Variants in NEK6 observed in about 807,000 individuals in gnomAD.
NEK6 encodes serine/threonine-protein kinase Nek6.
A neutral mutation model predicts 43.5 loss-of-function variants in NEK6; 27 were observed. The observed-to-expected ratio is 0.62, with a 90% CI of 0.46 to 0.86. NEK6 has a LOEUF of 0.86. Ranked by LOEUF, NEK6 falls within the 40% of genes least tolerant of loss-of-function variation. The pLI is 0.00. For synonymous variants in NEK6, 167 were observed against 164.1 expected (o/e 1.02, Z -0.14); for missense variants, 318 against 414.4 (o/e 0.77, Z 2.02).
chr9:124,349,055 C>T (rs745935886), intron 9 of NEK6, among the ~76,000 whole-genome samples: 7 of 152,226 alleles, frequency 4.6e-5, no homozygotes, highest in Non-Finnish European at 1.0e-4. Flanking sequence ...CTGGGTGCTG[C>T]GCTTGTGTCC....
At chr9:124,303,643 G>A (rs574253926) in intron 2 of NEK6, among the ~76,000 whole-genome samples, 176 of 152,268 alleles carry the variant, frequency 1.2e-3, no homozygotes, top group African/African-American at 4.2e-3. Context: ...AGGGTCCATG[G>A]GGCATCTATG....
intron 2 of NEK6, among the ~76,000 whole-genome samples, chr9:124,308,526 C>T (rs1445117238): frequency 1.3e-5 from 2 of 152,114 alleles, no homozygotes; most frequent in African/African-American, 2.4e-5. Context: ...TGGTGGCGGG[C>T]ACCTGCTACT....
chr9:124,320,582 G>A (rs1588508922), intron 4 of NEK6, among the ~76,000 whole-genome samples: 1 of 152,206 alleles, frequency 6.6e-6, no homozygotes, highest in Admixed American at 6.5e-5. Context: ...CCAGATCCTG[G>A]AGTCTCTTTG....
At chr9:124,277,786 G>T (rs2118962044) in intron 1 of NEK6, among the ~76,000 whole-genome samples, 1 of 152,332 alleles carries the variant, frequency 6.6e-6, no homozygotes, top group African/African-American at 2.4e-5. Flanking sequence ...GCCCCATCCA[G>T]GCAGGTCGGC....
chr9:124,313,162 C>G (rs114967093), intron 3 of NEK6, among the ~76,000 whole-genome samples: 2,208 of 152,262 alleles, frequency 0.015, 50 homozygotes, highest in African/African-American at 0.051. Context: ...ACAGCTTTGC[C>G]GGAGGAAATG....
In NEK6 at chr9:124,347,791, C is replaced by A. The variant is rs779720887; in HGVS notation, c.800C>A (p.Pro267His). 1 of 1,612,776 alleles carries A rather than the reference C, an allele frequency of 6.2e-7. No homozygotes were observed. The highest frequency in any genetic ancestry group is 8.5e-7 in the Non-Finnish European group (1 of 1,179,124). The stretch of plus-strand genomic sequence containing the variant: ...CAGAAGATCGAGCAGTGTGACTACC[C>A]CCCACTCCCCGGGGAGCACTACTCC... ...LCQKIEQCDY[P>H]PLPGEHYSEK... The change falls in exon 9 of 10, where the codon CCC (proline) becomes CAC (histidine). Residue 267 changes from proline to histidine, a missense_variant. Physicochemically the swap from Pro to His is moderately conservative, Grantham distance 77. Coordinates refer to ENST00000320246, the MANE Select transcript of NEK6 (RefSeq NM_014397.6).
intron 9 of NEK6, among the ~76,000 whole-genome samples, chr9:124,350,571 A>C (rs1312753572): frequency 6.6e-6 from 1 of 152,150 alleles, no homozygotes; most frequent in Non-Finnish European, 1.5e-5. Context: ...GTTCAAAATA[A>C]TTTGGAGGTT....
chr9:124,319,113 T>G (rs1833947025), intron 4 of NEK6, among the ~76,000 whole-genome samples: 1 of 152,048 alleles, frequency 6.6e-6, no homozygotes, highest in East Asian at 1.9e-4. Flanking sequence ...ACCTCTCGAG[T>G]AGCTGTGACT....
rs573737159 is a variant in NEK6 at position 124,277,994 on chromosome 9, G to A, written c.-30+19909G>A. Among the ~76,000 whole-genome samples the A allele has an allele frequency of 1.4e-4, 22 of 152,270 alleles. 1 individual carries two copies. Among genetic ancestry groups the A allele is most frequent in the Admixed American group, 4.6e-4 (7 of 15,300 alleles). On this transcript the variant is annotated intron_variant, in intron 1 of 9. Coordinates refer to ENST00000320246, the MANE Select transcript of NEK6 (RefSeq NM_014397.6). ...AAGGGGCGCCTTTGAGTTTTAATAC[G>A]GGATGCACCATCATATAAGGACACT...
chr9:124,310,241 G>T (rs1443770364), intron 2 of NEK6, among the ~76,000 whole-genome samples: 1 of 152,234 alleles, frequency 6.6e-6, no homozygotes, highest in East Asian at 1.9e-4. Flanking sequence ...CAGCAGTGAG[G>T]CCCACTCACA....
At chr9:124,327,659 C>A (rs1016561525) in intron 7 of NEK6, among the ~76,000 whole-genome samples, 2 of 152,240 alleles carry the variant, frequency 1.3e-5, no homozygotes, top group African/African-American at 4.8e-5. Context: ...ACCCCCTGAT[C>A]ACCTCCCAGC....
chr9:124,264,814 CAAAAAAAAAAA>C (rs372219790), intron 1 of NEK6, among the ~76,000 whole-genome samples: 1,932 of 88,696 alleles, frequency 0.022, 49 homozygotes, highest in African/African-American at 0.079. Context: ...GACTCTGTAT[CAAAAAAAAAAA>C]AAAAAAAAAA....
At chr9:124,272,017 A>G (rs1831457908) in intron 1 of NEK6, among the ~76,000 whole-genome samples, 1 of 152,112 alleles carries the variant, frequency 6.6e-6, no homozygotes, top group South Asian at 2.1e-4. Context: ...CTGTTTTCCC[A>G]TTTGTGGAGC....
At chr9:124,278,457 C>T (rs573771415) in intron 1 of NEK6, among the ~76,000 whole-genome samples, 2 of 152,242 alleles carry the variant, frequency 1.3e-5, no homozygotes, top group South Asian at 2.1e-4. Context: ...TGTCGTTTTC[C>T]GTGGAGGAGA....
chr9:124,314,045 T>A (rs1833692349), intron 4 of NEK6, 60 bp downstream of exon 4: 1 of 1,487,478 alleles, frequency 6.7e-7, no homozygotes, highest in South Asian at 1.1e-5. Context: ...GGGCCGCGGC[T>A]GGGCCACATC....
rs552948021 is a variant in NEK6 at position 124,275,947 on chromosome 9, G to A, written c.-30+17862G>A. Reference sequence around the variant, plus strand: ...CTCACATACCCATTGTGCCTGCTGCGGTGATCCTTTAAACGACAGTTAGGT... The same window carrying A: ...CTCACATACCCATTGTGCCTGCTGCAGTGATCCTTTAAACGACAGTTAGGT... On this transcript the variant is annotated intron_variant, in intron 1 of 9. Transcript: ENST00000320246. This position sits in a 1 kb window ranked among gnomAD's most constrained non-coding sequence, Gnocchi z 4.4. Among the ~76,000 whole-genome samples the A allele has an allele frequency of 8.9e-4, 135 of 152,314 alleles. No homozygotes were observed. Among genetic ancestry groups the A allele is most frequent in the African/African-American group, 2.9e-3 (119 of 41,566 alleles).
At chr9:124,295,288 G>A (rs10986306) in intron 1 of NEK6, among the ~76,000 whole-genome samples, 2 of 152,238 alleles carry the variant, frequency 1.3e-5, no homozygotes, top group African/African-American at 2.4e-5. Flanking sequence ...CACAGGACCC[G>A]GCCGGAAACC....
intron 1 of NEK6, among the ~76,000 whole-genome samples, chr9:124,300,799 GA>G (rs746016624): frequency 6.6e-6 from 1 of 152,148 alleles, no homozygotes; most frequent in African/African-American, 2.4e-5. Context: ...CACCGCAGGG[GA>G]GGGGGCTCCA....
chr9:124,272,929 TG>T (rs1386064981), intron 1 of NEK6, among the ~76,000 whole-genome samples: 1 of 152,190 alleles, frequency 6.6e-6, no homozygotes, highest in Non-Finnish European at 1.5e-5. Flanking sequence ...TGTGAATGGA[TG>T]TTTTTTTAAT....
Sources: gnomAD v4.1 joint callset for allele counts (sites outside exome capture counted in the v4.1 genomes callset) on GRCh38, gnomAD v4.1.1 for gene constraint, Gnocchi (gnomAD v3.1) non-coding constraint, MANE v1.5 for transcripts, NCBI Gene and HGNC (gene_info 2026-07-23, HGNC 2026-07-21) for gene names.